The following MGAT4C variants were observed in gnomAD, a reference collection of about 807,000 sequenced individuals.
MGAT4C encodes the protein MGAT4 family member C.
MGAT4C carries 19 observed loss-of-function variants against 40.1 expected under a neutral mutation model. The ratio of observed to expected loss-of-function variants is 0.47; its 90% confidence interval spans 0.33 to 0.70. MGAT4C has a LOEUF of 0.70. Among genes scored for constraint, MGAT4C ranks in the 30% least tolerant of loss-of-function variants. The probability of loss-of-function intolerance (pLI) is 0.02; values close to 1 mark genes in which losing one functional copy is unlikely to be tolerated. For missense variants in MGAT4C, 491 were observed against 563.2 expected (o/e 0.87, Z 1.30); for synonymous variants, 181 against 187.1 (o/e 0.97, Z 0.27).
At chr12:86,415,156 G>T (rs1956682597) in intron 3 of MGAT4C, among the ~76,000 whole-genome samples, 1 of 151,948 alleles carries the variant, frequency 6.6e-6, no homozygotes, top group South Asian at 2.1e-4. Flanking sequence ...TCCTGGACTT[G>T]TTTATTCTGA....
chr12:86,314,944 A>C (rs1954166350), intron 4 of MGAT4C, among the ~76,000 whole-genome samples: 1 of 152,132 alleles, frequency 6.6e-6, no homozygotes, highest in Non-Finnish European at 1.5e-5. Flanking sequence ...CAGACACAAC[A>C]CTATACCCAT....
intron 2 of MGAT4C, among the ~76,000 whole-genome samples, chr12:86,517,824 T>C (rs1224882330): frequency 6.6e-6 from 1 of 152,184 alleles, no homozygotes; most frequent in Non-Finnish European, 1.5e-5. Context: ...TTTGTTTTTG[T>C]ATTTTTAGTA....
chr12:86,368,764 T>C (rs1955658468), intron 3 of MGAT4C, among the ~76,000 whole-genome samples: 1 of 150,290 alleles, frequency 6.7e-6, no homozygotes, highest in African/African-American at 2.4e-5. Context: ...ATGATTTCAA[T>C]ATTCTTAAAT....
intron 1 of MGAT4C, among the ~76,000 whole-genome samples, chr12:86,764,526 C>T (rs1247723140): frequency 1.1e-4 from 14 of 125,390 alleles, no homozygotes; most frequent in South Asian, 8.0e-4. Context: ...TCTCCCAGCA[C>T]GCAGCTGGAG....
chr12:86,292,110 G>A (rs1045502242), intron 4 of MGAT4C, among the ~76,000 whole-genome samples: 2 of 152,060 alleles, frequency 1.3e-5, no homozygotes, highest in African/African-American at 4.8e-5. Flanking sequence ...TTACTGCTTG[G>A]AGGCAAACCA....
chr12:86,132,791 CAAAAAAAAAAAAA>C (rs60321690), intron 1 of MGAT4C, among the ~76,000 whole-genome samples: 1 of 93,730 alleles, frequency 1.1e-5, no homozygotes. Flanking sequence ...GACTCCGTCT[CAAAAAAAAAAAAA>C]AAAAAAAAAG....
intron 3 of MGAT4C, among the ~76,000 whole-genome samples, chr12:86,342,877 T>C (rs1389754108): frequency 1.3e-5 from 2 of 152,194 alleles, no homozygotes; most frequent in African/African-American, 4.8e-5. Flanking sequence ...TGCAATCGAT[T>C]GATTATAATT....
chr12:86,110,268 CTA>C lies in MGAT4C; in HGVS notation c.-56-60547_-56-60546del, dbSNP rs368895751. 2.2e-4 allele frequency among the ~76,000 whole-genome samples: 5 copies of C among 22,306 alleles called. 2 individuals are homozygous for C. Among genetic ancestry groups the C allele is most frequent in the East Asian group, 2.0e-3 (2 of 998 alleles). The allele number at this position is 22,306 out of a possible 152,430, so 14.6% of individuals were successfully genotyped here. A position where few individuals can be genotyped will look rare whatever the true frequency, so the allele number is the denominator to read the frequency against. ...AACAATAAATGAATATATATATAGA[CTA>C]TATATATAGTCTATATATATATAGT... On this transcript the variant is annotated intron_variant, in intron 1 of 4. Transcript: ENST00000611864.
At chr12:86,762,139 C>A (rs951243776) in intron 1 of MGAT4C, among the ~76,000 whole-genome samples, 2 of 151,692 alleles carry the variant, frequency 1.3e-5, no homozygotes, top group African/African-American at 4.8e-5. Flanking sequence ...GCAGTCTTAA[C>A]CCCCTGGACT....
intron 2 of MGAT4C, among the ~76,000 whole-genome samples, chr12:86,484,953 A>G (rs1592903598): frequency 6.6e-6 from 1 of 152,130 alleles, no homozygotes; most frequent in South Asian, 2.1e-4. Context: ...CATTACTCTT[A>G]AGCACCATCT....
Position 85,971,464 on chromosome 12 carries a change from A to G in MGAT4C, c.*7825T>C, listed in dbSNP as rs1257803495. On this transcript the variant is annotated 3_prime_UTR_variant, in exon 5 of 5. Coordinates refer to ENST00000611864, the MANE Select transcript of MGAT4C (RefSeq NM_001351288.2). ...TTTTGTAGCAAACACATGACTCATC[A>G]TTGCCCAAATCAATTGCCCAAATCA... 2.6e-5 allele frequency: 4 copies of G among 151,270 alleles called. No homozygotes were observed. The highest frequency in any genetic ancestry group is 4.8e-5 in the African/African-American group (2 of 41,368). The allele number at this position is 151,270 out of a possible 1,614,324, so 9.4% of individuals were successfully genotyped here.
At chr12:86,537,121 A>T (rs1188694729) in intron 2 of MGAT4C, among the ~76,000 whole-genome samples, 2 of 151,366 alleles carry the variant, frequency 1.3e-5, no homozygotes, top group African/African-American at 2.5e-5. Context: ...TATCGCAAGG[A>T]CAAAAAACCA....
At chr12:86,270,982 G>A (rs1952931168) in intron 4 of MGAT4C, among the ~76,000 whole-genome samples, 1 of 151,946 alleles carries the variant, frequency 6.6e-6, no homozygotes, top group South Asian at 2.1e-4. Context: ...AAATAAAACT[G>A]GAATTCTATC....
Position 86,669,613 on chromosome 12 carries a change from T to C in MGAT4C, c.-229+57596A>G, listed in dbSNP as rs112285397. 3.2e-3 allele frequency among the ~76,000 whole-genome samples: 484 copies of C among 152,348 alleles called. 1 individual carries two copies. The highest frequency in any genetic ancestry group is 0.011 in the African/African-American group (463 of 41,588). Reference sequence around the variant, plus strand: ...TAGTGGCCATCCACTGGATTATTCATTGGAGCTGGTGCTCATGTCTGCCAC... The same window carrying C: ...TAGTGGCCATCCACTGGATTATTCACTGGAGCTGGTGCTCATGTCTGCCAC... On this transcript the variant is annotated intron_variant, in intron 2 of 7. Transcript: ENST00000548651.
At chr12:86,663,819 G>A (rs1169600996) in intron 2 of MGAT4C, among the ~76,000 whole-genome samples, 1 of 152,158 alleles carries the variant, frequency 6.6e-6, no homozygotes, top group Non-Finnish European at 1.5e-5. Flanking sequence ...GCTGTGTGGT[G>A]AGTTAAACAG....
intron 2 of MGAT4C, among the ~76,000 whole-genome samples, chr12:86,580,973 AG>A (rs1190390976): frequency 6.6e-6 from 1 of 151,512 alleles, no homozygotes; most frequent in East Asian, 1.9e-4. Flanking sequence ...GATATTGAAA[AG>A]AATTAAAAGC....
At chr12:86,072,607 A>G (rs879473672) in intron 1 of MGAT4C, among the ~76,000 whole-genome samples, 1 of 152,142 alleles carries the variant, frequency 6.6e-6, no homozygotes, top group Non-Finnish European at 1.5e-5. Flanking sequence ...GATAGATGAA[A>G]GGATCTTTGG....
At chr12:86,365,133 C>T (rs1163200131) in intron 3 of MGAT4C, among the ~76,000 whole-genome samples, 1 of 152,094 alleles carries the variant, frequency 6.6e-6, no homozygotes, top group African/African-American at 2.4e-5. Flanking sequence ...AGAGGTCCAC[C>T]CTCAGGGATG....
At chr12:86,537,391 A>T (rs1271122368) in intron 2 of MGAT4C, among the ~76,000 whole-genome samples, 2 of 152,094 alleles carry the variant, frequency 1.3e-5, no homozygotes, top group African/African-American at 4.8e-5. Context: ...ACAACAGTTA[A>T]GGCTTTTTCA....
Sources: gnomAD v4.1 joint callset for allele counts (sites outside exome capture counted in the v4.1 genomes callset) on GRCh38, gnomAD v4.1.1 for gene constraint, MANE v1.5 for transcripts, NCBI Gene and HGNC (gene_info 2026-07-23, HGNC 2026-07-21) for gene names.